TEAD1: variants seen among roughly 807,000 people sequenced by gnomAD.
TEAD1 encodes TEA domain transcription factor 1.
Under a neutral mutation model 54.9 loss-of-function variants are expected in TEAD1, and 9 were observed. The ratio of observed to expected loss-of-function variants is 0.16; its 90% CI spans 0.10 to 0.29. The LOEUF is 0.29. Ranked by LOEUF, TEAD1 falls within the 10% of genes least tolerant of loss-of-function variation. The pLI, the probability that TEAD1 is intolerant of heterozygous loss-of-function variation, is 1.00. For missense variants in TEAD1, 387 were observed against 535.9 expected (o/e 0.72, Z 2.74); for synonymous variants, 200 against 187.8 (o/e 1.07, Z -0.53).
intron 2 of TEAD1, among the ~76,000 whole-genome samples, chr11:12,721,637 A>G (rs1483472101): frequency 3.9e-5 from 6 of 152,250 alleles, no homozygotes; most frequent in Non-Finnish European, 7.3e-5. Context: ...TCCCAGCATT[A>G]TGCTAAGCAT....
At chr11:12,857,051 A>G (rs887572897) in intron 3 of TEAD1, among the ~76,000 whole-genome samples, 8 of 152,200 alleles carry the variant, frequency 5.3e-5, no homozygotes, top group East Asian at 1.9e-4. Context: ...CCAGTCTTCT[A>G]TCTGGTAAGG....
intron 5 of TEAD1, among the ~76,000 whole-genome samples, chr11:12,873,695 T>A (rs1384320532): frequency 6.6e-6 from 1 of 152,272 alleles, no homozygotes; most frequent in South Asian, 2.1e-4. Context: ...GATAAGCAAA[T>A]TAGAGATCAT....
intron 3 of TEAD1, among the ~76,000 whole-genome samples, chr11:12,838,884 T>A (rs2084188391): frequency 6.6e-6 from 1 of 152,190 alleles, no homozygotes; most frequent in Non-Finnish European, 1.5e-5. Context: ...TATTTTGCAA[T>A]TAGGAAGCTT....
chr11:12,880,890 T>C, intron 6 of TEAD1, 115 bp from the exon 7 acceptor site: 2 of 1,193,766 alleles, frequency 1.7e-6, no homozygotes, highest in Non-Finnish European at 2.5e-6. Flanking sequence ...GGGAAAGCGA[T>C]TCTGTTGGGT....
chr11:12,899,493 T>TGAAGGG (rs1948382917), intron 9 of TEAD1, among the ~76,000 whole-genome samples: 1 of 152,098 alleles, frequency 6.6e-6, no homozygotes, highest in South Asian at 2.1e-4. Context: ...TTGTTTATAA[T>TGAAGGG]TGGAAAAAGT....
At chr11:12,760,112 A>G (rs7114040) in intron 2 of TEAD1, among the ~76,000 whole-genome samples, 74,624 of 152,044 alleles carry the variant, frequency 0.49, 19,586 homozygotes, top group African/African-American at 0.68. Flanking sequence ...AAAGTAAACC[A>G]TTAGAGGAAG....
At chr11:12,693,681 GTCC>G (rs746567450) in intron 2 of TEAD1, among the ~76,000 whole-genome samples, 2 of 152,110 alleles carry the variant, frequency 1.3e-5, no homozygotes, top group African/African-American at 2.4e-5. Flanking sequence ...GGTAACCGTT[GTCC>G]TCCTGTTTAT....
In TEAD1 at chr11:12,939,642, C is replaced by T. The variant is rs1949141729; in HGVS notation, c.*2420C>T. On this transcript the variant is annotated 3_prime_UTR_variant, in exon 13 of 13. Transcript: ENST00000527636. ...CCCCCTGGTGCTTCACCACCTGCAT[C>T]CTCTTGCTCAGAATGCCTTTGCAGT... 6.6e-6 allele frequency: 1 copy of T among 152,314 alleles called. No homozygotes were observed. Among genetic ancestry groups the T allele is most frequent in the African/African-American group, 2.4e-5 (1 of 41,476 alleles). The allele number at this position is 152,314 out of a possible 1,614,324, so 9.4% of individuals were successfully genotyped here.
intron 5 of TEAD1, among the ~76,000 whole-genome samples, chr11:12,872,089 G>T (rs1469551450): frequency 1.3e-5 from 2 of 152,318 alleles, no homozygotes; most frequent in East Asian, 1.9e-4. Context: ...AATAGGCAGA[G>T]AGCTTAAAGT....
intron 9 of TEAD1, among the ~76,000 whole-genome samples, chr11:12,895,609 C>T (rs1467052574): frequency 2.0e-5 from 3 of 152,168 alleles, no homozygotes; most frequent in Non-Finnish European, 4.4e-5. Context: ...GGTTCTTTCC[C>T]TTCCTCAGAA....
At chr11:12,773,207 C>G (rs907874357) in intron 3 of TEAD1, among the ~76,000 whole-genome samples, 14 of 152,200 alleles carry the variant, frequency 9.2e-5, no homozygotes, top group Non-Finnish European at 4.4e-5. Context: ...TTCCAGTGTT[C>G]AGGCATTTCA....
chr11:12,748,880 G>T (rs1435784858), intron 2 of TEAD1, among the ~76,000 whole-genome samples: 1 of 151,790 alleles, frequency 6.6e-6, no homozygotes, highest in Non-Finnish European at 1.5e-5. Context: ...GGGACTGGGG[G>T]TCAAATGGAC....
At chr11:12,857,936 G>A (rs1947424218) in intron 3 of TEAD1, among the ~76,000 whole-genome samples, 2 of 152,040 alleles carry the variant, frequency 1.3e-5, no homozygotes, top group Admixed American at 6.6e-5. Flanking sequence ...AAATACAAAA[G>A]TTGGTCTGGT....
chr11:12,903,338 C>G lies in TEAD1; in HGVS notation c.873+1225C>G, dbSNP rs553653099. On this transcript the variant is annotated intron_variant, in intron 10 of 12. Coordinates refer to ENST00000527636, the MANE Select transcript of TEAD1 (RefSeq NM_021961.6). ...TCTGTCAACCTAAGCCTCTACGTAT[C>G]TCTATACCAAGCAAGAACCTTACAC... Among the ~76,000 whole-genome samples, 3 of 152,274 alleles carry G rather than the reference C, an allele frequency of 2.0e-5. No individual in the cohort carries two copies. The South Asian group carries it at 6.2e-4, about 32-fold the overall frequency.
chr11:12,809,666 T>G (rs1323658306), intron 3 of TEAD1, among the ~76,000 whole-genome samples: 2 of 152,154 alleles, frequency 1.3e-5, no homozygotes, highest in Non-Finnish European at 2.9e-5. Context: ...AAAATGACAG[T>G]GCTGCCCCTC....
intron 3 of TEAD1, among the ~76,000 whole-genome samples, chr11:12,834,508 CTTTTATGATAGTGGAGAGAGATGTA>C (rs1946844116): frequency 6.6e-6 from 1 of 152,198 alleles, no homozygotes; most frequent in Non-Finnish European, 1.5e-5. Context: ...CCTCTGTTGA[CTTTTATGATAGTGGAGAGAGATGTA>C]TGGGAAGTGT....
At chr11:12,696,726 A>G (rs1214620582) in intron 2 of TEAD1, among the ~76,000 whole-genome samples, 2 of 152,022 alleles carry the variant, frequency 1.3e-5, no homozygotes, top group Admixed American at 6.6e-5. Flanking sequence ...GTTGGGAAAT[A>G]CACCCTGCGT....
chr11:12,737,551 A>G (rs906741572), intron 2 of TEAD1, among the ~76,000 whole-genome samples: 2 of 152,184 alleles, frequency 1.3e-5, no homozygotes, highest in East Asian at 1.9e-4. Context: ...GGTTTGCCCT[A>G]AAGCTAAATT....
intron 3 of TEAD1, among the ~76,000 whole-genome samples, chr11:12,838,306 A>G (rs1251043881): frequency 6.6e-6 from 1 of 152,184 alleles, no homozygotes; most frequent in Non-Finnish European, 1.5e-5. Flanking sequence ...ATAATGCTTA[A>G]TGTGGACGAT....
Sources: allele counts gnomAD v4.1 joint callset (sites outside exome capture counted in the v4.1 genomes callset), GRCh38; gene constraint gnomAD v4.1.1; transcripts MANE v1.5; gene names NCBI Gene and HGNC (gene_info 2026-07-23, HGNC 2026-07-21).